Variants in DHX30 observed in about 807,000 individuals in gnomAD.
DHX30 encodes the protein DExH-box helicase 30, also known as ATP-dependent RNA helicase DHX30.
A neutral mutation model predicts 116.9 loss-of-function variants in DHX30; 4 were observed. The ratio of observed to expected loss-of-function variants is 0.03; its 90% CI spans 0.02 to 0.08. The LOEUF is 0.08. Ranked by LOEUF, DHX30 falls within the 10% of genes least tolerant of loss-of-function variation. The pLI is 1.00. For synonymous variants in DHX30, 697 were observed against 651.7 expected, an observed-to-expected ratio of 1.07 and a Z score of -1.06; for missense variants, 871 against 1,595.1, an observed-to-expected ratio of 0.55 and a Z score of 7.73.
chr3:47,805,826 C>T (rs540158764), intron 2 of DHX30, among the ~76,000 whole-genome samples: 99 of 152,196 alleles, frequency 6.5e-4, no homozygotes, highest in Admixed American at 1.6e-3. Context: ...CAGGCATGAG[C>T]CACTGTGCCC....
rs1474989922 is a variant in DHX30 at position 47,808,769 on chromosome 3, T to C, written c.-27-1888T>C. 2.6e-5 allele frequency among the ~76,000 whole-genome samples: 4 copies of C among 151,214 alleles called. No homozygotes were observed. The East Asian group carries it at 7.8e-4, about 30-fold the overall frequency. On this transcript the variant is annotated intron_variant, in intron 2 of 21. Coordinates refer to ENST00000445061, the MANE Select transcript of DHX30 (RefSeq NM_138615.3). ...TTTTGTATTTTTACTGGGGGCGAGGTTTCCTCATGTTGGCCAGGCTGGTCT... is the reference window on the plus strand; with the variant it reads ...TTTTGTATTTTTACTGGGGGCGAGGCTTCCTCATGTTGGCCAGGCTGGTCT...
chr3:47,846,021 CCCGG>C (rs2037589712), intron 10 of DHX30, 140 bp from the exon 11 acceptor site: 2 of 1,391,352 alleles, frequency 1.4e-6, no homozygotes, highest in Non-Finnish European at 1.9e-6. Context: ...CCACAAGGAT[CCCGG>C]GGCAGTCATG....
intron 18 of DHX30, 45 bp downstream of exon 18, chr3:47,849,124 A>G: frequency 6.2e-7 from 1 of 1,611,598 alleles, no homozygotes; most frequent in East Asian, 2.2e-5. Flanking sequence ...TCCCACCCCC[A>G]CTGAGTTTCT....
chr3:47,841,441 C>T (rs1216313202), intron 7 of DHX30, among the ~76,000 whole-genome samples, 176 bp from the exon 8 acceptor site: 1 of 152,224 alleles, frequency 6.6e-6, no homozygotes, highest in Non-Finnish European at 1.5e-5. Context: ...AGGGAGCAGT[C>T]CCCATGCAGT....
Position 47,829,107 on chromosome 3 carries a change from TGCAGCTGCAGCCTGCCA to T in DHX30, c.342_358del (p.Ala115ValfsTer12). The T allele has an allele frequency of 6.3e-7, 1 of 1,592,678 alleles. No homozygotes were observed. Among genetic ancestry groups the T allele is most frequent in the Non-Finnish European group, 8.5e-7 (1 of 1,172,210 alleles). On this transcript the variant is annotated frameshift_variant, in exon 6 of 22. Coordinates refer to ENST00000445061, the MANE Select transcript of DHX30 (RefSeq NM_138615.3). LOFTEE classifies it high-confidence loss of function. ...AGAAGATCGATGCTGAGCGGCAGGC[TGCAGCTGCAGCCTGCCA>T]GCTGTTCAAGGTGACCCTTCCTCAG...
intron 2 of DHX30, among the ~76,000 whole-genome samples, chr3:47,809,946 A>T (rs1027895378): frequency 6.6e-6 from 1 of 152,196 alleles, no homozygotes; most frequent in East Asian, 1.9e-4. Flanking sequence ...GTTAAACCAG[A>T]TGTGTTGCTT....
At chr3:47,819,574 G>T (rs753857217) in intron 4 of DHX30, among the ~76,000 whole-genome samples, 17 of 152,186 alleles carry the variant, frequency 1.1e-4, no homozygotes, top group Non-Finnish European at 2.4e-4. Context: ...TGCGGATAGC[G>T]ATCAGGCCTC....
chr3:47,834,079 C>G (rs1417033787), intron 6 of DHX30, among the ~76,000 whole-genome samples: 28 of 152,044 alleles, frequency 1.8e-4, no homozygotes. Context: ...ATTTTAGATT[C>G]CACATATGAG....
chr3:47,803,549 G>C (rs112744595), intron 1 of DHX30, among the ~76,000 whole-genome samples: 1 of 11,516 alleles, frequency 8.7e-5, no homozygotes, highest in Admixed American at 5.7e-4. Flanking sequence ...CCTTCGCCTC[G>C]GGATGCGCCG....
At chr3:47,822,896 A>G (rs2036361378) in intron 4 of DHX30, among the ~76,000 whole-genome samples, 1 of 152,100 alleles carries the variant, frequency 6.6e-6, no homozygotes, top group Non-Finnish European at 1.5e-5. Context: ...GATCGAGACC[A>G]TCCTGGCTAA....
intron 1 of DHX30, among the ~76,000 whole-genome samples, chr3:47,804,691 T>C (rs1170095043): frequency 6.6e-6 from 1 of 152,234 alleles, no homozygotes; most frequent in Non-Finnish European, 1.5e-5. Context: ...CAGCATAATA[T>C]CCTGGAAATA....
chr3:47,821,383 A>G (rs1390399621), intron 4 of DHX30, among the ~76,000 whole-genome samples: 2 of 151,940 alleles, frequency 1.3e-5, no homozygotes, highest in African/African-American at 4.8e-5. Context: ...CTCTTGCCCC[A>G]GCCCCCCGAG....
intron 4 of DHX30, among the ~76,000 whole-genome samples, chr3:47,821,053 A>G (rs1475877076): frequency 6.6e-6 from 1 of 151,712 alleles, no homozygotes; most frequent in Non-Finnish European, 1.5e-5. Flanking sequence ...TCCTGGATTC[A>G]TGTGATTCTT....
chr3:47,839,758 C>T (rs1416112111), intron 6 of DHX30, among the ~76,000 whole-genome samples: 1 of 152,120 alleles, frequency 6.6e-6, no homozygotes, highest in Non-Finnish European at 1.5e-5. Context: ...TCACTGCAAC[C>T]ACTGCCTCCC....
At chr3:47,831,930 C>CTCCCTCTTTTTTTT (rs2036874182) in intron 6 of DHX30, among the ~76,000 whole-genome samples, 1 of 127,466 alleles carries the variant, frequency 7.8e-6, no homozygotes, top group Non-Finnish European at 1.6e-5. Flanking sequence ...TTTCCTTTTT[C>CTCCCTCTTTTTTTT]TTTTTTTTTT....
At chr3:47,833,537 C>A (rs1234253377) in intron 6 of DHX30, among the ~76,000 whole-genome samples, 210 of 62,250 alleles carry the variant, frequency 3.4e-3, no homozygotes, top group Middle Eastern at 9.8e-3. Context: ...CTCTCTCTCT[C>A]AAAAAAAAAA....
In DHX30 at chr3:47,808,098, C is replaced by T. The variant is rs573852278; in HGVS notation, c.-27-2559C>T. ...GCTAATTTTGTATTTTTAGTAGAGA[C>T]GGGGTTTCTGCATGTTGGTCAGGCT... is the stretch of plus-strand genomic sequence containing the variant. On this transcript the variant is annotated intron_variant, in intron 2 of 21. Transcript: ENST00000445061. 1.6e-3 allele frequency among the ~76,000 whole-genome samples: 241 copies of T among 151,520 alleles called. 13 individuals are homozygous for T. In the South Asian group the frequency reaches 0.048, roughly 30 times the overall value.
Position 47,846,743 on chromosome 3 carries a change from C to T in DHX30, c.1671C>T (p.Ile557=), listed in dbSNP as rs768327525. 12 of 1,613,892 alleles carry T rather than the reference C, an allele frequency of 7.4e-6. No homozygotes were observed. Among genetic ancestry groups the T allele is most frequent in the African/African-American group, 2.7e-5 (2 of 74,954 alleles). ...NPSLEGVSHV[I]VDEVHERDVN... ...GCCTGGAGGGCGTGAGCCACGTCAT[C>T]GTGGATGAGGTGCATGAGCGGGACG... The change falls in exon 11 of 22, where the codon ATC becomes ATT. Residue 557 remains isoleucine (I), a synonymous_variant. Transcript: ENST00000445061.
At chr3:47,818,210 C>G in intron 4 of DHX30, 93 bp downstream of exon 4, 4 of 705,022 alleles carry the variant, frequency 5.7e-6, no homozygotes, top group East Asian at 2.5e-5. Context: ...GGCCACAGCC[C>G]TCCAGAAAGT....
Sources: gnomAD v4.1 joint callset for allele counts (sites outside exome capture counted in the v4.1 genomes callset) on GRCh38, gnomAD v4.1.1 for gene constraint, MANE v1.5 for transcripts, NCBI Gene and HGNC (gene_info 2026-07-23, HGNC 2026-07-21) for gene names.